The following BTBD9 variants were observed in gnomAD, a reference collection of about 807,000 sequenced individuals.
BTBD9 encodes BTB domain containing 9.
Under a neutral mutation model 64.3 loss-of-function variants are expected in BTBD9, and 49 were observed. The observed-to-expected ratio is 0.76, with a 90% CI of 0.61 to 0.97. BTBD9 has a LOEUF of 0.97. Among genes scored for constraint, BTBD9 ranks in the 50% least tolerant of loss-of-function variants. The pLI is 0.00. For synonymous variants in BTBD9, 260 were observed against 274.7 expected (o/e 0.95, Z 0.53); for missense variants, 598 against 762.1 (o/e 0.78, Z 2.53).
intron 7 of BTBD9, among the ~76,000 whole-genome samples, chr6:38,316,226 C>A (rs745397684): frequency 2.0e-4 from 31 of 152,124 alleles, no homozygotes; most frequent in Non-Finnish European, 3.8e-4. Flanking sequence ...TATGTGTAGA[C>A]AACAGATTGT....
intron 6 of BTBD9, among the ~76,000 whole-genome samples, chr6:38,425,855 TG>T (rs1562168159): frequency 1.1e-4 from 16 of 150,858 alleles, no homozygotes; most frequent in African/African-American, 3.9e-4. Flanking sequence ...AGGTCAAGGC[TG>T]CAGTGAGCCA....
In BTBD9 at chr6:38,174,610, C is replaced by T. The variant is rs1766918140; in HGVS notation, c.*375G>A. Reference sequence around the variant, plus strand: ...AAGGGTGCCTCCAGGTAGCAAAGGCCCAATGGCTTTCTCCTCCGCCTGAGT... The same window carrying T: ...AAGGGTGCCTCCAGGTAGCAAAGGCTCAATGGCTTTCTCCTCCGCCTGAGT... On this transcript the variant is annotated 3_prime_UTR_variant, in exon 11 of 11. Coordinates refer to ENST00000481247, the MANE Select transcript of BTBD9 (RefSeq NM_001099272.2). The T allele has an allele frequency of 4.5e-6, 1 of 221,034 alleles. No individual in the cohort carries two copies. The highest frequency in any genetic ancestry group is 2.2e-5 in the African/African-American group (1 of 44,542). 13.7% of individuals were successfully genotyped at this position (221,034 alleles called of 1,614,324 possible).
intron 7 of BTBD9, among the ~76,000 whole-genome samples, chr6:38,303,409 C>T (rs537002122): frequency 5.3e-5 from 8 of 152,214 alleles, no homozygotes; most frequent in African/African-American, 1.9e-4. Flanking sequence ...TTCTTTTGCA[C>T]ATATGGAATA....
intron 7 of BTBD9, among the ~76,000 whole-genome samples, chr6:38,324,360 T>A (rs1562024808): frequency 6.6e-6 from 1 of 152,212 alleles, no homozygotes; most frequent in Non-Finnish European, 1.5e-5. Context: ...GAAAACGTCA[T>A]GTCTAGGCAG....
At chr6:38,494,790 T>C (rs1375515119) in intron 6 of BTBD9, among the ~76,000 whole-genome samples, 9 of 152,202 alleles carry the variant, frequency 5.9e-5, no homozygotes, top group African/African-American at 2.2e-4. Context: ...CCAGAAAAGC[T>C]CCCTTAGGCC....
intron 1 of BTBD9, among the ~76,000 whole-genome samples, chr6:38,614,419 G>A (rs1385435551): frequency 6.6e-6 from 1 of 152,110 alleles, no homozygotes; most frequent in Non-Finnish European, 1.5e-5. Flanking sequence ...GCACCTTACA[G>A]TGACTGGCAT....
chr6:38,597,919 T>C lies in BTBD9; in HGVS notation c.176A>G (p.Gln59Arg), dbSNP rs573589326. 1.2e-6 allele frequency: 2 copies of C among 1,613,620 alleles called. No homozygotes were observed. The highest frequency in any genetic ancestry group is 1.3e-5 in the African/African-American group (1 of 75,012). The change falls in exon 2 of 11, where the codon CAA becomes CGA. Residue 59 changes from glutamine to arginine, a missense_variant. Transcript: ENST00000481247. ...AHRVILAARC[Q>R]YFRALLYGGM... ...AGTATTACACACTTACCGAAAATATTGGCACCTGGCTGCTAAAATTACCCT... is the reference window on the plus strand; with the variant it reads ...AGTATTACACACTTACCGAAAATATCGGCACCTGGCTGCTAAAATTACCCT...
intron 8 of BTBD9, among the ~76,000 whole-genome samples, chr6:38,282,849 C>A (rs1761569873): frequency 6.6e-6 from 1 of 152,208 alleles, no homozygotes; most frequent in Non-Finnish European, 1.5e-5. Context: ...TGTCTCCAAC[C>A]CGGTTTTTCC....
intron 2 of BTBD9, 69 bp from the exon 3 acceptor site, chr6:38,594,396 C>T: frequency 6.8e-7 from 1 of 1,478,592 alleles, no homozygotes; most frequent in Non-Finnish European, 9.0e-7. Flanking sequence ...TTGGAAATAA[C>T]AGTTATCAAC....
At position 38,426,819 on chromosome 6, in the gene BTBD9, C is replaced by G. The variant is rs185399793; in HGVS notation, c.1155-81726G>C. On this transcript the variant is annotated intron_variant, in intron 6 of 10. Coordinates refer to ENST00000481247, the MANE Select transcript of BTBD9 (RefSeq NM_001099272.2). ...CTTGGAATCCATGAGGCCAAGAACC[C>G]CAGGTCAGAGAACACGAGGCTTGCC... Among the ~76,000 whole-genome samples, 116 of 151,850 alleles carry G rather than the reference C, an allele frequency of 7.6e-4. 4 individuals are homozygous for G. The highest frequency in any genetic ancestry group is 2.7e-3 in the African/African-American group (112 of 41,200).
intron 7 of BTBD9, among the ~76,000 whole-genome samples, chr6:38,342,456 A>T (rs1164423569): frequency 6.6e-6 from 1 of 151,260 alleles, no homozygotes; most frequent in Non-Finnish European, 1.5e-5. Flanking sequence ...GAATTGCTTG[A>T]ACCCAGGAGG....
intron 6 of BTBD9, among the ~76,000 whole-genome samples, chr6:38,480,446 A>G (rs1408914213): frequency 1.3e-5 from 2 of 152,056 alleles, no homozygotes; most frequent in Non-Finnish European, 2.9e-5. Context: ...TGTAGGTCAG[A>G]TTGGTGCAAG....
At chr6:38,176,021 C>T (rs188224527) in intron 10 of BTBD9, among the ~76,000 whole-genome samples, 19 of 152,362 alleles carry the variant, frequency 1.2e-4, no homozygotes, top group African/African-American at 3.8e-4. Flanking sequence ...GTGCCAACAC[C>T]GTGCCAGCAC....
intron 8 of BTBD9, among the ~76,000 whole-genome samples, chr6:38,285,563 C>T (rs1223121473): frequency 2.6e-5 from 4 of 152,016 alleles, no homozygotes; most frequent in African/African-American, 7.3e-5. Context: ...AAATGGAAAA[C>T]GGAGAACATT....
chr6:38,604,584 CAAGT>C, intron 1 of BTBD9, among the ~76,000 whole-genome samples: 1 of 152,246 alleles, frequency 6.6e-6, no homozygotes, highest in Non-Finnish European at 1.5e-5. Context: ...GACCAGATAA[CAAGT>C]AATGTAAATT....
intron 9 of BTBD9, among the ~76,000 whole-genome samples, chr6:38,222,262 T>TTG (rs1554129647): frequency 2.3e-5 from 3 of 132,278 alleles, no homozygotes; most frequent in Admixed American, 7.6e-5. Flanking sequence ...CAGTTGTTTT[T>TTG]TTTTTTTTTT....
At chr6:38,345,701 A>T (rs1764252687) in intron 6 of BTBD9, among the ~76,000 whole-genome samples, 2 of 152,262 alleles carry the variant, frequency 1.3e-5, no homozygotes, top group South Asian at 4.1e-4. Flanking sequence ...TCCTGACCAC[A>T]GGAAGCGATC....
At chr6:38,375,867 A>G (rs552329288) in intron 6 of BTBD9, among the ~76,000 whole-genome samples, 5 of 151,538 alleles carry the variant, frequency 3.3e-5, no homozygotes, top group African/African-American at 1.2e-4. Flanking sequence ...ATTAACCTTG[A>G]GTCTACAAAC....
intron 6 of BTBD9, among the ~76,000 whole-genome samples, chr6:38,469,563 G>A (rs559927027): frequency 2.6e-5 from 4 of 151,980 alleles, no homozygotes; most frequent in East Asian, 3.9e-4. Context: ...CTCATGATCC[G>A]CCCATCTCGG....
Sources: gnomAD v4.1 joint callset for allele counts (sites outside exome capture counted in the v4.1 genomes callset) on GRCh38, gnomAD v4.1.1 for gene constraint, MANE v1.5 for transcripts, NCBI Gene and HGNC (gene_info 2026-07-23, HGNC 2026-07-21) for gene names.